The following PDE7B variants were observed in gnomAD, a reference collection of about 807,000 sequenced individuals.
PDE7B encodes 3',5'-cyclic-AMP phosphodiesterase 7B.
A neutral mutation model predicts 56.2 loss-of-function variants in PDE7B; 29 were observed. That is an observed-to-expected ratio of 0.52 (90% CI 0.38 to 0.70). The LOEUF (loss-of-function observed/expected upper bound fraction) is 0.70, where lower values mean the gene tolerates loss of function less well. Among genes scored for constraint, PDE7B ranks in the 30% least tolerant of loss-of-function variants. The probability of loss-of-function intolerance (pLI) is 0.00; values close to 1 mark genes in which losing one functional copy is unlikely to be tolerated. For missense variants in PDE7B, 490 were observed against 565.0 expected (o/e 0.87, Z 1.35); for synonymous variants, 197 against 196.9 (o/e 1.00, Z 0.00).
chr6:135,909,883 A>C (rs1330435929), intron 1 of PDE7B, among the ~76,000 whole-genome samples: 1 of 152,092 alleles, frequency 6.6e-6, no homozygotes, highest in African/African-American at 2.4e-5. Context: ...CGGCAAACGC[A>C]GGTGTGATCT....
rs1224932273 is a variant in PDE7B at position 136,102,544 on chromosome 6, T to A, written c.83-6187T>A. 2.6e-5 allele frequency among the ~76,000 whole-genome samples: 4 copies of A among 152,206 alleles called. 1 individual carries two copies. Among genetic ancestry groups the A allele is most frequent in the South Asian group, 4.1e-4 (2 of 4,826 alleles). On this transcript the variant is annotated intron_variant, in intron 2 of 12. Coordinates refer to ENST00000308191, the MANE Select transcript of PDE7B (RefSeq NM_018945.4). ...AGACCCAGATTTCATAGTCCCCAAG[T>A]TGACTCCTCAAGTTGTTCTCCTTCT... is the stretch of plus-strand genomic sequence containing the variant.
intron 2 of PDE7B, among the ~76,000 whole-genome samples, chr6:135,964,132 T>C (rs1242736563): frequency 1.3e-5 from 2 of 151,764 alleles, no homozygotes; most frequent in Non-Finnish European, 2.9e-5. Flanking sequence ...TGAGACGGAG[T>C]CTTGCTCTGT....
In PDE7B at chr6:136,136,652, C is replaced by T. The variant is rs934627815; in HGVS notation, c.167-10699C>T. Among the ~76,000 whole-genome samples the T allele has an allele frequency of 3.3e-5, 5 of 151,442 alleles. No homozygotes were observed. The East Asian group carries it at 5.8e-4, about 18-fold the overall frequency. On this transcript the variant is annotated intron_variant, in intron 3 of 12. Coordinates refer to ENST00000308191, the MANE Select transcript of PDE7B (RefSeq NM_018945.4). The stretch of plus-strand genomic sequence containing the variant: ...GATGTCATATTACACATTGCATGCC[C>T]GTTATCAAAACACCTCATGTACCCC...
intron 2 of PDE7B, among the ~76,000 whole-genome samples, chr6:135,972,173 G>T (rs1775103879): frequency 7.6e-6 from 1 of 132,348 alleles, no homozygotes; most frequent in Non-Finnish European, 1.5e-5. Context: ...GGCAGAGGTT[G>T]CAGTGAGCCA....
intron 1 of PDE7B, among the ~76,000 whole-genome samples, chr6:135,921,640 C>A (rs9402777): frequency 0.14 from 20,941 of 151,802 alleles, 1,723 homozygotes; most frequent in East Asian, 0.39. Flanking sequence ...CTTTAAGAAA[C>A]AAGGCTGATT....
intron 2 of PDE7B, among the ~76,000 whole-genome samples, chr6:136,062,283 T>C (rs1776858158): frequency 2.6e-5 from 4 of 152,200 alleles, no homozygotes; most frequent in Admixed American, 2.0e-4. Context: ...TTTTAATATA[T>C]GTATACATTA....
At chr6:135,987,541 A>G (rs1015108749) in intron 2 of PDE7B, among the ~76,000 whole-genome samples, 2 of 152,260 alleles carry the variant, frequency 1.3e-5, no homozygotes, top group African/African-American at 4.8e-5. Context: ...TCCCTTCAGA[A>G]TAACACTTGA....
chr6:135,864,705 T>C (rs1775218277), intron 1 of PDE7B, among the ~76,000 whole-genome samples: 1 of 152,168 alleles, frequency 6.6e-6, no homozygotes, highest in Non-Finnish European at 1.5e-5. Context: ...TAAATGTGTG[T>C]CGTGATATTG....
chr6:136,115,608 T>A (rs764412353), intron 3 of PDE7B, among the ~76,000 whole-genome samples: 3 of 152,242 alleles, frequency 2.0e-5, no homozygotes, highest in Non-Finnish European at 4.4e-5. Flanking sequence ...GCCATTGCCT[T>A]CTGTTAACCT....
At chr6:135,903,273 G>A (rs1192242470) in intron 1 of PDE7B, among the ~76,000 whole-genome samples, 3 of 152,094 alleles carry the variant, frequency 2.0e-5, no homozygotes, top group East Asian at 1.9e-4. Flanking sequence ...TTGTATCAGT[G>A]GCATTTTATG....
chr6:135,978,841 C>T (rs905631731), intron 2 of PDE7B, among the ~76,000 whole-genome samples: 2 of 152,008 alleles, frequency 1.3e-5, no homozygotes, highest in African/African-American at 4.8e-5. Context: ...AATTTGACTT[C>T]CTCTTTTCCT....
chr6:136,031,797 T>C (rs112989767), intron 2 of PDE7B, among the ~76,000 whole-genome samples: 274 of 152,032 alleles, frequency 1.8e-3, no homozygotes, highest in Non-Finnish European at 3.2e-3. Flanking sequence ...TTTCCTTTTG[T>C]TATGTCATTT....
intron 3 of PDE7B, among the ~76,000 whole-genome samples, chr6:136,133,214 C>A (rs560375682): frequency 6.6e-6 from 1 of 150,682 alleles, no homozygotes; most frequent in African/African-American, 2.4e-5. Context: ...CACATGTACC[C>A]TAAAACTTAA....
chr6:135,921,572 A>AT lies in PDE7B; in HGVS notation c.22-25883dup, dbSNP rs201705393. ...TATCCATCATCTGGACATTCTGAAG[A>AT]TTTTTTTTTCAAGGAAAACTACTTC... On this transcript the variant is annotated intron_variant, in intron 1 of 12. Coordinates refer to ENST00000308191, the MANE Select transcript of PDE7B (RefSeq NM_018945.4). Among the ~76,000 whole-genome samples, 529 of 151,698 alleles carry AT rather than the reference A, an allele frequency of 3.5e-3. 2 individuals are homozygous for AT. Among genetic ancestry groups the AT allele is most frequent in the Non-Finnish European group, 4.2e-3 (286 of 67,894 alleles).
At position 135,863,094 on chromosome 6, in the gene PDE7B, G is replaced by A. The variant is rs143552056; in HGVS notation, c.21+11075G>A. Among the ~76,000 whole-genome samples, 638 of 151,990 alleles carry A rather than the reference G, an allele frequency of 4.2e-3. 9 individuals carry two copies. The highest frequency in any genetic ancestry group is 0.019 in the South Asian group (94 of 4,826). On this transcript the variant is annotated intron_variant, in intron 1 of 12. Coordinates refer to ENST00000308191, the MANE Select transcript of PDE7B (RefSeq NM_018945.4). ...GAATATATAGTCAGCTTTTCTAAAC[G>A]TATTACATGTGCTTGAAGTAAATGT... is the stretch of plus-strand genomic sequence containing the variant.
chr6:136,137,495 G>A (rs955912955), intron 3 of PDE7B, among the ~76,000 whole-genome samples: 18 of 152,166 alleles, frequency 1.2e-4, no homozygotes, highest in Middle Eastern at 3.4e-3. Context: ...AAACACAAAG[G>A]CTTTCTTTGT....
chr6:135,885,740 T>A (rs1481731653), intron 1 of PDE7B, among the ~76,000 whole-genome samples: 1 of 152,158 alleles, frequency 6.6e-6, no homozygotes, highest in Non-Finnish European at 1.5e-5. Flanking sequence ...CAAAATAGAA[T>A]TGTAATGATC....
In PDE7B at chr6:135,917,385, C is replaced by G. The variant is rs77466684; in HGVS notation, c.22-30079C>G. Among the ~76,000 whole-genome samples, 772 of 152,106 alleles carry G rather than the reference C, an allele frequency of 5.1e-3. 8 individuals are homozygous for G. Among genetic ancestry groups the G allele is most frequent in the African/African-American group, 0.018 (743 of 41,486 alleles). On this transcript the variant is annotated intron_variant, in intron 1 of 12. Transcript: ENST00000308191. ...GCAGCGTCACGTCTGCTGTTAAGCC[C>G]TACCCAATGAATTTTTAACGTAGGA... is the stretch of plus-strand genomic sequence containing the variant.
At chr6:136,016,385 A>G (rs2128207648) in intron 2 of PDE7B, among the ~76,000 whole-genome samples, 1 of 152,318 alleles carries the variant, frequency 6.6e-6, no homozygotes, top group Non-Finnish European at 1.5e-5. Flanking sequence ...TCAACTAGTA[A>G]GGGCACAAAG....
Sources: allele counts gnomAD v4.1 joint callset (sites outside exome capture counted in the v4.1 genomes callset), GRCh38; gene constraint gnomAD v4.1.1; transcripts MANE v1.5; gene names NCBI Gene and HGNC (gene_info 2026-07-23, HGNC 2026-07-21).